The following MLIP variants were observed in gnomAD, a reference collection of about 807,000 sequenced individuals.
The protein encoded by MLIP is muscular LMNA interacting protein.
MLIP carries 79 observed loss-of-function variants against 84.8 expected under a neutral mutation model. The ratio of observed to expected loss-of-function variants is 0.93; its 90% CI spans 0.78 to 1.12. The LOEUF (loss-of-function observed/expected upper bound fraction) is 1.12, where lower values mean the gene tolerates loss of function less well. Among genes scored for constraint, MLIP ranks in the 50% most tolerant of loss-of-function variants. The pLI is 0.00. For synonymous variants in MLIP, 504 were observed against 463.0 expected (o/e 1.09, Z -1.14); for missense variants, 1,257 against 1,160.6 (o/e 1.08, Z -1.21).
chr6:54,176,617 C>T (rs1049482326), intron 9 of MLIP, among the ~76,000 whole-genome samples: 4 of 151,888 alleles, frequency 2.6e-5, no homozygotes, highest in African/African-American at 4.8e-5. Flanking sequence ...GGGAAAATGG[C>T]CATACTGCCC....
intron 1 of MLIP, among the ~76,000 whole-genome samples, chr6:54,059,287 G>A (rs1283051034): frequency 6.6e-6 from 1 of 152,158 alleles, no homozygotes; most frequent in African/African-American, 2.4e-5. Flanking sequence ...GTCTTTCACT[G>A]GAGAATCTGG....
chr6:54,107,972 C>G (rs531084191), upstream of MLIP, among the ~76,000 whole-genome samples: 1 of 141,060 alleles, frequency 7.1e-6, no homozygotes, highest in Admixed American at 7.5e-5. Flanking sequence ...TTTCTTTTTT[C>G]TCAAATTTGT....
intron 1 of MLIP, among the ~76,000 whole-genome samples, chr6:54,050,248 G>C (rs568883807): frequency 6.6e-6 from 1 of 151,834 alleles, no homozygotes; most frequent in Admixed American, 6.6e-5. Flanking sequence ...TGTAATAAAG[G>C]CTTAAAGCAC....
rs114029733 is a variant in MLIP, at chr6:54,167,738, G to A, written c.2500-1790G>A. On this transcript the variant is annotated intron_variant, in intron 8 of 13. Coordinates refer to ENST00000502396, the MANE Select transcript of MLIP (RefSeq NM_001281747.2). The stretch of plus-strand genomic sequence containing the variant: ...TTTCTGTCAGACATTGGGAGCACTA[G>A]CCAGAAAAAACTACCTGAATTTAAT... Among the ~76,000 whole-genome samples, 1,285 of 151,886 alleles carry A rather than the reference G, an allele frequency of 8.5e-3. 18 individuals carry two copies. The highest frequency in any genetic ancestry group is 0.029 in the African/African-American group (1,198 of 41,476).
Position 54,060,040 on chromosome 6 carries a change from A to G in MLIP, c.63+40949A>G, listed in dbSNP as rs549172354. Among the ~76,000 whole-genome samples the G allele has an allele frequency of 1.0e-4, 5 of 50,038 alleles. No homozygotes were observed. The Admixed American group carries it at 1.0e-3, about 10-fold the overall frequency. 32.8% of individuals were successfully genotyped at this position (50,038 alleles called of 152,430 possible). A position where few individuals can be genotyped will look rare whatever the true frequency, so the allele number is the denominator to read the frequency against. On this transcript the variant is annotated intron_variant, in intron 1 of 12. Transcript: ENST00000274897. ...TGATTAACGATTTTTAAAATAGTAA[A>G]TTTAATGCTCCTGTATAATACCTTT...
intron 11 of MLIP, among the ~76,000 whole-genome samples, chr6:54,210,198 A>G (rs1779342977): frequency 6.6e-6 from 1 of 152,288 alleles, no homozygotes; most frequent in African/African-American, 2.4e-5. Flanking sequence ...CTGCAGCAGG[A>G]CACAGTTCCT....
intron 11 of MLIP, among the ~76,000 whole-genome samples, chr6:54,214,495 G>A (rs1217623878): frequency 6.6e-6 from 1 of 152,164 alleles, no homozygotes; most frequent in Non-Finnish European, 1.5e-5. Flanking sequence ...TGAGACTTCT[G>A]TTCTTGTTGT....
chr6:54,056,349 A>G lies in MLIP; in HGVS notation c.63+37258A>G, dbSNP rs185714853. On this transcript the variant is annotated intron_variant, in intron 1 of 12. Coordinates refer to the MLIP transcript ENST00000274897. Reference sequence around the variant, plus strand: ...TACAGAGGCTTGAACGTGAAAGGTCAAGCAGACCTTTGGGAGCAATTCATA... The same window carrying G: ...TACAGAGGCTTGAACGTGAAAGGTCGAGCAGACCTTTGGGAGCAATTCATA... Among the ~76,000 whole-genome samples, 583 of 152,326 alleles carry G rather than the reference A, an allele frequency of 3.8e-3. 4 individuals are homozygous for G. Among genetic ancestry groups the G allele is most frequent in the Middle Eastern group, 6.8e-3 (2 of 294 alleles).
chr6:54,202,356 G>A, intron 11 of MLIP, 123 bp downstream of exon 11: 2 of 446,698 alleles, frequency 4.5e-6, no homozygotes, highest in Non-Finnish European at 6.6e-6. Flanking sequence ...AATATAGTAT[G>A]CGTAAGAACA....
At chr6:54,071,785 C>T (rs1766500206) in intron 1 of MLIP, among the ~76,000 whole-genome samples, 1 of 152,062 alleles carries the variant, frequency 6.6e-6, no homozygotes. Flanking sequence ...CTATAAAATT[C>T]ATAAAATCTA....
At chr6:54,092,869 A>G (rs890246722) in intron 1 of MLIP, among the ~76,000 whole-genome samples, 7 of 151,832 alleles carry the variant, frequency 4.6e-5, no homozygotes, top group African/African-American at 1.7e-4. Context: ...AGAGTTATTG[A>G]ATCTATTTTT....
intron 1 of MLIP, among the ~76,000 whole-genome samples, chr6:54,075,302 C>T (rs1766736177): frequency 6.7e-6 from 1 of 149,570 alleles, no homozygotes; most frequent in Non-Finnish European, 1.5e-5. Flanking sequence ...CAGGGAAATG[C>T]CTATGTGCTT....
At chr6:54,108,839 T>A (rs963923633), upstream of MLIP, among the ~76,000 whole-genome samples, 2 of 151,992 alleles carry the variant, frequency 1.3e-5, no homozygotes, top group African/African-American at 2.4e-5. Context: ...AAAGAAAAGA[T>A]CAGAGAGGAA....
rs1000695895 is a variant in MLIP, at chr6:54,137,122, C to T, written c.1053C>T (p.Ser351=). The change falls in exon 4 of 14, where the codon TCC becomes TCT. Residue 351 remains serine, a synonymous_variant. Transcript: ENST00000502396. ...ESPRTSSSPP[S]SSASLKSNSA... is the part of the protein sequence containing the mutation. ...CGAGAACCTCTTCTTCTCCACCGTC[C>T]TCCAGTGCTTCTCTGAAGTCGAATT... is the stretch of plus-strand genomic sequence containing the variant. The T allele has an allele frequency of 8.5e-6, 13 of 1,536,120 alleles. No homozygotes were observed. The highest frequency in any genetic ancestry group is 1.4e-5 in the African/African-American group (1 of 73,152).
chr6:54,253,263 T>A (rs1429646242), intron 12 of MLIP, among the ~76,000 whole-genome samples: 1 of 152,104 alleles, frequency 6.6e-6, no homozygotes, highest in African/African-American at 2.4e-5. Flanking sequence ...TTATGCTCTG[T>A]CTTAGCAGTT....
rs149344316 is a variant in MLIP at position 54,082,341 on chromosome 6, G to A, written c.64-39106G>A. On this transcript the variant is annotated intron_variant, in intron 1 of 12. Transcript: ENST00000274897. ...ACGATTTCTTGGGCTAGGTGCAGGAGTTTGGCCAGTTTGGAGGAACTGCCG... is the reference window on the plus strand; with the variant it reads ...ACGATTTCTTGGGCTAGGTGCAGGAATTTGGCCAGTTTGGAGGAACTGCCG... Among the ~76,000 whole-genome samples the A allele has an allele frequency of 1.4e-4, 21 of 152,260 alleles. No individual in the cohort carries two copies. In the East Asian group the frequency reaches 3.7e-3, roughly 27 times the overall value.
At chr6:54,058,921 C>A (rs892195715) in intron 1 of MLIP, 1 of 152,154 alleles carries the variant, frequency 6.6e-6, no homozygotes, top group Non-Finnish European at 1.5e-5. Context: ...AATTGACTTA[C>A]CTTCTACTTC....
intron 8 of MLIP, among the ~76,000 whole-genome samples, chr6:54,167,854 T>A (rs1002377636): frequency 6.6e-6 from 1 of 151,778 alleles, no homozygotes; most frequent in African/African-American, 2.4e-5. Context: ...TCACTCTTAC[T>A]CCTAGGGGCT....
At chr6:54,132,435 A>C (rs761776372) in intron 3 of MLIP, among the ~76,000 whole-genome samples, 2 of 152,208 alleles carry the variant, frequency 1.3e-5, no homozygotes, top group African/African-American at 4.8e-5. Context: ...TTACAAAGCG[A>C]AAGTTTTTTT....
Sources: gnomAD v4.1 joint callset for allele counts (sites outside exome capture counted in the v4.1 genomes callset) on GRCh38, gnomAD v4.1.1 for gene constraint, MANE v1.5 for transcripts, NCBI Gene and HGNC (gene_info 2026-07-23, HGNC 2026-07-21) for gene names.